SPTBN1: variants seen among roughly 807,000 people sequenced by gnomAD.
SPTBN1 encodes spectrin beta, non-erythrocytic 1.
In SPTBN1, 32 loss-of-function variants were observed where a neutral mutation model predicts 266.4. The observed-to-expected ratio is 0.12, with a 90% CI of 0.09 to 0.16. The LOEUF is 0.16. Among genes scored for constraint, SPTBN1 ranks in the 10% least tolerant of loss-of-function variants. The probability of loss-of-function intolerance (pLI) is 1.00; values close to 1 mark genes in which losing one functional copy is unlikely to be tolerated. For missense variants in SPTBN1, 2,296 were observed against 3,067.1 expected (o/e 0.75, Z 5.94); for synonymous variants, 1,336 against 1,162.2 (o/e 1.15, Z -3.04).
At chr2:54,489,912 A>G (rs1264928575) in intron 1 of SPTBN1, among the ~76,000 whole-genome samples, 2 of 152,132 alleles carry the variant, frequency 1.3e-5, no homozygotes, top group Non-Finnish European at 2.9e-5. Flanking sequence ...ATTTTTCTGG[A>G]TCAACGAGAA....
Position 54,664,969 on chromosome 2 carries a change from C to G in SPTBN1, c.6659+278C>G. 1 of 388,930 alleles carries G rather than the reference C, an allele frequency of 2.6e-6. No homozygotes were observed. Among genetic ancestry groups the G allele is most frequent in the Non-Finnish European group, 4.7e-6 (1 of 212,576 alleles). 24.1% of individuals were successfully genotyped at this position (388,930 alleles called of 1,614,324 possible). A position where few individuals can be genotyped will look rare whatever the true frequency, so the allele number is the denominator to read the frequency against. On this transcript the variant is annotated intron_variant, in intron 33 of 35. Coordinates refer to ENST00000356805, the MANE Select transcript of SPTBN1 (RefSeq NM_003128.3). The surrounding 1 kb of genome is among the most constrained non-coding windows in gnomAD (Gnocchi z 5.6). ...ATTTGCTAGATTGAGACTGAAGAGT[C>G]TTCTTTACTTTAAGTGATTGATTTC...
intron 8 of SPTBN1, 56 bp downstream of exon 8, chr2:54,621,568 T>C: frequency 7.1e-7 from 1 of 1,416,484 alleles, no homozygotes; most frequent in South Asian, 1.2e-5. Context: ...AATTGAGCCC[T>C]CATTCTCCCA....
chr2:54,655,049 G>T, intron 27 of SPTBN1, 21 bp from the exon 28 acceptor site: 1 of 1,603,108 alleles, frequency 6.2e-7, no homozygotes, highest in African/African-American at 1.3e-5. Context: ...CCTAACGGAG[G>T]CATCGTTTGT....
intron 1 of SPTBN1, among the ~76,000 whole-genome samples, chr2:54,492,497 G>T (rs1375811900): frequency 6.6e-6 from 1 of 152,146 alleles, no homozygotes; most frequent in Non-Finnish European, 1.5e-5. Flanking sequence ...TTCAAAGGCT[G>T]TGTCATTCCT....
Position 54,487,832 on chromosome 2 carries a change from C to CTCTTTTTT in SPTBN1, c.-48+31315_-48+31316insCTTTTTTT, listed in dbSNP as rs1426296541. Among the ~76,000 whole-genome samples the CTCTTTTTT allele has an allele frequency of 1.3e-4, 9 of 68,646 alleles. 1 individual carries two copies. The South Asian group carries it at 3.5e-3, about 27-fold the overall frequency. 45.0% of individuals were successfully genotyped at this position (68,646 alleles called of 152,430 possible). A position where few individuals can be genotyped will look rare whatever the true frequency, so the allele number is the denominator to read the frequency against. On this transcript the variant is annotated intron_variant, in intron 1 of 35. Coordinates refer to ENST00000356805, the MANE Select transcript of SPTBN1 (RefSeq NM_003128.3). ...TTCACTTGATGGTCTCCTCCTGTGT[C>CTCTTTTTT]TTTTTTTTTTTTTTTGAGACGGAGT...
chr2:54,482,190 C>T (rs1241246106), intron 1 of SPTBN1, among the ~76,000 whole-genome samples: 4 of 151,892 alleles, frequency 2.6e-5, no homozygotes, highest in East Asian at 1.9e-4. Flanking sequence ...ATCTTGGCAG[C>T]GCATTGGCAT....
chr2:54,627,720 G>C (rs1188921855), intron 12 of SPTBN1, among the ~76,000 whole-genome samples: 3 of 152,092 alleles, frequency 2.0e-5, no homozygotes, highest in Admixed American at 6.5e-5. Context: ...GTTTCTTCTT[G>C]AAGCTCCAGT....
intron 2 of SPTBN1, among the ~76,000 whole-genome samples, chr2:54,568,349 CAAA>C (rs888478845): frequency 0.29 from 27,975 of 95,158 alleles, 2,974 homozygotes; most frequent in Admixed American, 0.36. Context: ...GACTCTGTCT[CAAA>C]AAAAAAAAAA....
At chr2:54,572,112 CTT>C (rs1448789682) in intron 2 of SPTBN1, among the ~76,000 whole-genome samples, 1 of 152,016 alleles carries the variant, frequency 6.6e-6, no homozygotes, top group East Asian at 1.9e-4. Flanking sequence ...ATTTACTAAA[CTT>C]TGGTGAGGAG....
At chr2:54,484,619 T>A (rs1407952145) in intron 1 of SPTBN1, among the ~76,000 whole-genome samples, 5 of 152,196 alleles carry the variant, frequency 3.3e-5, no homozygotes, top group Admixed American at 3.3e-4. Context: ...TCCTGGTAAC[T>A]CTTCAGGGTG....
intron 1 of SPTBN1, among the ~76,000 whole-genome samples, chr2:54,514,760 C>G (rs1393962655): frequency 6.6e-6 from 1 of 152,216 alleles, no homozygotes; most frequent in Non-Finnish European, 1.5e-5. Context: ...TTGCAAAACT[C>G]TAACTGAGAC....
rs757532394 is a variant in SPTBN1 at position 54,646,039 on chromosome 2, A to G, written c.4584+22A>G. On this transcript the variant is annotated intron_variant, in intron 22 of 35. Coordinates refer to ENST00000356805, the MANE Select transcript of SPTBN1 (RefSeq NM_003128.3). This position sits in a 1 kb window ranked among gnomAD's most constrained non-coding sequence, Gnocchi z 4.4. ...TCAGGTAAGCCTTTCTGCTCGAGCT[A>G]GTTCTGTCTGATAAATAATTGCTCT... 2 of 1,613,976 alleles carry G rather than the reference A, an allele frequency of 1.2e-6. No individual in the cohort carries two copies. Among genetic ancestry groups the G allele is most frequent in the South Asian group, 2.2e-5 (2 of 91,062 alleles).
chr2:54,542,914 A>G (rs746161899), intron 2 of SPTBN1, among the ~76,000 whole-genome samples: 2 of 152,198 alleles, frequency 1.3e-5, no homozygotes, highest in Admixed American at 6.5e-5. Flanking sequence ...TCCCCTTTCT[A>G]TCGTGTGGCC....
At chr2:54,617,964 G>C in intron 6 of SPTBN1, 114 bp from the exon 7 acceptor site, 1 of 820,662 alleles carries the variant, frequency 1.2e-6, no homozygotes. Flanking sequence ...ATATTTTAGA[G>C]TTTTACTCCA....
At chr2:54,520,911 T>A (rs1235121267) in intron 1 of SPTBN1, among the ~76,000 whole-genome samples, 1 of 152,136 alleles carries the variant, frequency 6.6e-6, no homozygotes, top group Non-Finnish European at 1.5e-5. Flanking sequence ...TTTCCTTGTG[T>A]CAGCCTTACA....
chr2:54,490,606 T>A (rs943014060), intron 1 of SPTBN1, among the ~76,000 whole-genome samples: 1 of 152,214 alleles, frequency 6.6e-6, no homozygotes, highest in Admixed American at 6.5e-5. Flanking sequence ...GAATTTCCCC[T>A]TAGTAGCGGA....
chr2:54,548,286 T>G (rs913956487), intron 2 of SPTBN1, among the ~76,000 whole-genome samples: 3 of 152,166 alleles, frequency 2.0e-5, no homozygotes, highest in African/African-American at 7.2e-5. Context: ...AAAAGGATTT[T>G]TAAACAACAA....
intron 7 of SPTBN1, among the ~76,000 whole-genome samples, chr2:54,618,591 C>A (rs1350228711): frequency 6.6e-6 from 1 of 152,228 alleles, no homozygotes; most frequent in African/African-American, 2.4e-5. Flanking sequence ...ATTGAAGGTT[C>A]TTAGCAGCTG....
At chr2:54,466,418 C>G (rs1224272020) in intron 1 of SPTBN1, among the ~76,000 whole-genome samples, 1 of 26,264 alleles carries the variant, frequency 3.8e-5, no homozygotes, top group Non-Finnish European at 5.9e-5. Flanking sequence ...AAAAATTAGC[C>G]GGGCGTGGTA....
Sources: gnomAD v4.1 joint callset for allele counts (sites outside exome capture counted in the v4.1 genomes callset) on GRCh38, gnomAD v4.1.1 for gene constraint, Gnocchi (gnomAD v3.1) non-coding constraint, MANE v1.5 for transcripts, NCBI Gene and HGNC (gene_info 2026-07-23, HGNC 2026-07-21) for gene names.